The following COP1 variants were observed in gnomAD, a reference collection of about 807,000 sequenced individuals.
COP1 encodes E3 ubiquitin-protein ligase COP1.
COP1 carries 24 observed loss-of-function variants against 101.3 expected under a neutral mutation model. The ratio of observed to expected loss-of-function variants is 0.24; its 90% CI spans 0.17 to 0.33. The LOEUF (loss-of-function observed/expected upper bound fraction) is 0.33. COP1 is among the 10% of genes least tolerant of loss of function. The pLI is 1.00. For synonymous variants in COP1, 347 were observed against 341.9 expected, an observed-to-expected ratio of 1.01 and a Z score of -0.17; for missense variants, 663 against 906.2, an observed-to-expected ratio of 0.73 and a Z score of 3.45.
chr1:176,113,027 G>C (rs1350215601), intron 9 of COP1, among the ~76,000 whole-genome samples: 15 of 152,112 alleles, frequency 9.9e-5, no homozygotes. Context: ...AATTAACATG[G>C]GAGTGCAGGT....
intron 1 of COP1, 108 bp downstream of exon 1, chr1:176,206,464 A>T: frequency 1.5e-6 from 2 of 1,300,482 alleles, no homozygotes; most frequent in African/African-American, 1.5e-5. Flanking sequence ...CAGCACCAGT[A>T]TCCCAAGCTC....
chr1:176,134,110 G>A (rs1332522965), intron 8 of COP1, among the ~76,000 whole-genome samples: 1 of 151,886 alleles, frequency 6.6e-6, no homozygotes, highest in African/African-American at 2.4e-5. Flanking sequence ...TGTACATGAT[G>A]TACTGAACTA....
chr1:176,073,213 T>C (rs1390279516), intron 11 of COP1, among the ~76,000 whole-genome samples: 2 of 152,180 alleles, frequency 1.3e-5, no homozygotes, highest in East Asian at 1.9e-4. Flanking sequence ...ATTTATGATG[T>C]TGTCTAAAAA....
At chr1:176,035,710 CAAAAAAAAA>C (rs71129541) in intron 14 of COP1, among the ~76,000 whole-genome samples, 28 of 73,104 alleles carry the variant, frequency 3.8e-4, no homozygotes, top group East Asian at 6.1e-4. Flanking sequence ...AAAACGAGAC[CAAAAAAAAA>C]AAAAAAAAAA....
chr1:176,145,201 A>G (rs1691384419), intron 6 of COP1, among the ~76,000 whole-genome samples: 1 of 152,132 alleles, frequency 6.6e-6, no homozygotes, highest in Non-Finnish European at 1.5e-5. Flanking sequence ...CAATTACTTC[A>G]CACACAAACA....
Position 176,170,554 on chromosome 1 carries a change from G to A in COP1, c.565+5356C>T, listed in dbSNP as rs1311914019. On this transcript the variant is annotated intron_variant, in intron 3 of 19. Coordinates refer to ENST00000367669, the MANE Select transcript of COP1 (RefSeq NM_022457.7). The stretch of plus-strand genomic sequence containing the variant: ...AAGGAATCTTTTTTTCTAAGCAGTA[G>A]GTCTCAACAGTGGTCTTACGATATT... Among the ~76,000 whole-genome samples the A allele has an allele frequency of 2.0e-5, 3 of 152,142 alleles. No homozygotes were observed. In the East Asian group the frequency reaches 5.8e-4, roughly 29 times the overall value.
intron 18 of COP1, among the ~76,000 whole-genome samples, chr1:175,974,936 A>C (rs1654150548): frequency 1.3e-5 from 2 of 151,396 alleles, no homozygotes; most frequent in Non-Finnish European, 2.9e-5. Flanking sequence ...AAAAAAAAAA[A>C]AAAAAACCCA....
intron 3 of COP1, among the ~76,000 whole-genome samples, chr1:176,172,871 T>G (rs1221339523): frequency 6.6e-6 from 1 of 152,180 alleles, no homozygotes; most frequent in Non-Finnish European, 1.5e-5. Flanking sequence ...TGGCTATCAC[T>G]GAACAAAGGA....
At chr1:176,131,893 G>A (rs1558170977) in intron 8 of COP1, among the ~76,000 whole-genome samples, 1 of 151,590 alleles carries the variant, frequency 6.6e-6, no homozygotes, top group Non-Finnish European at 1.5e-5. Context: ...AATACTGTTT[G>A]CCTATTTTCC....
chr1:176,126,081 C>A (rs2149671028), intron 8 of COP1, among the ~76,000 whole-genome samples: 1 of 152,172 alleles, frequency 6.6e-6, no homozygotes, highest in East Asian at 1.9e-4. Context: ...CCTGCAACTT[C>A]ACTGAATCTG....
At chr1:176,119,894 A>C (rs561673140) in intron 8 of COP1, among the ~76,000 whole-genome samples, 3 of 152,292 alleles carry the variant, frequency 2.0e-5, no homozygotes, top group African/African-American at 7.2e-5. Flanking sequence ...AAATTCAGGC[A>C]CTGAGAGATT....
At chr1:176,057,726 G>C (rs1431396666) in intron 11 of COP1, among the ~76,000 whole-genome samples, 1 of 152,206 alleles carries the variant, frequency 6.6e-6, no homozygotes, top group African/African-American at 2.4e-5. Flanking sequence ...CTCCCAAAGT[G>C]CCGAGATTGC....
chr1:176,008,941 G>A (rs1176329736), intron 15 of COP1, among the ~76,000 whole-genome samples: 1 of 152,154 alleles, frequency 6.6e-6, no homozygotes, highest in African/African-American at 2.4e-5. Flanking sequence ...CACGATTTGT[G>A]TGTATGTTGT....
chr1:176,002,930 A>G (rs1662103930), intron 15 of COP1, among the ~76,000 whole-genome samples: 1 of 150,390 alleles, frequency 6.6e-6, no homozygotes, highest in African/African-American at 2.4e-5. Context: ...AGGAATCGCC[A>G]CACTGACTTC....
At chr1:176,200,121 C>T (rs367949634) in intron 1 of COP1, among the ~76,000 whole-genome samples, 3 of 152,276 alleles carry the variant, frequency 2.0e-5, no homozygotes, top group Middle Eastern at 6.8e-3. Context: ...CACATTTCCT[C>T]ATCTACAAAA....
At chr1:176,144,548 T>C (rs1259471707) in intron 6 of COP1, among the ~76,000 whole-genome samples, 2 of 152,070 alleles carry the variant, frequency 1.3e-5, no homozygotes, top group African/African-American at 2.4e-5. Flanking sequence ...GCACAGTAAG[T>C]TTACCATGGA....
At chr1:176,131,136 C>G (rs539904833) in intron 8 of COP1, among the ~76,000 whole-genome samples, 2 of 151,820 alleles carry the variant, frequency 1.3e-5, no homozygotes, top group African/African-American at 4.8e-5. Context: ...AAACAATAGG[C>G]TGGGGCTAGG....
Position 176,173,673 on chromosome 1 carries a change from G to A in COP1, c.565+2237C>T, listed in dbSNP as rs1572680139. Among the ~76,000 whole-genome samples the A allele has an allele frequency of 2.6e-5, 4 of 151,016 alleles. No homozygotes were observed. The South Asian group carries it at 8.4e-4, about 32-fold the overall frequency. On this transcript the variant is annotated intron_variant, in intron 3 of 19. Coordinates refer to ENST00000367669, the MANE Select transcript of COP1 (RefSeq NM_022457.7). ...AAAAATCAGTAAATGTGACTTCACT[G>A]TTCATTAGATACATATATTTGAGAA... is the stretch of plus-strand genomic sequence containing the variant.
intron 2 of COP1, among the ~76,000 whole-genome samples, chr1:176,180,906 A>G (rs1045207476): frequency 6.6e-6 from 1 of 152,204 alleles, no homozygotes; most frequent in Non-Finnish European, 1.5e-5. Context: ...GATCACCCAC[A>G]TGCTGGGAGA....
Sources: gnomAD v4.1 joint callset for allele counts (sites outside exome capture counted in the v4.1 genomes callset) on GRCh38, gnomAD v4.1.1 for gene constraint, MANE v1.5 for transcripts, NCBI Gene and HGNC (gene_info 2026-07-23, HGNC 2026-07-21) for gene names.